The following LAMA2 variants were observed in gnomAD, a reference collection of about 807,000 sequenced individuals.
LAMA2 encodes laminin subunit alpha 2.
LAMA2 carries 269 observed loss-of-function variants against 364.8 expected under a neutral mutation model. The ratio of observed to expected loss-of-function variants is 0.74; its 90% CI spans 0.67 to 0.82. The LOEUF (loss-of-function observed/expected upper bound fraction) is 0.82, where lower values mean the gene tolerates loss of function less well. Among genes scored for constraint, LAMA2 ranks in the 40% least tolerant of loss-of-function variants. The pLI is 0.00. For missense variants in LAMA2, 3,807 were observed against 3,873.2 expected (o/e 0.98, Z 0.45); for synonymous variants, 1,379 against 1,370.6 (o/e 1.01, Z -0.14).
intron 52 of LAMA2, among the ~76,000 whole-genome samples, chr6:129,475,108 G>C (rs1784002130): frequency 1.3e-5 from 2 of 152,032 alleles, no homozygotes; most frequent in Admixed American, 1.3e-4. Context: ...CCATTTATTA[G>C]ATTGATAAGA....
At chr6:129,057,267 C>G (rs1429546415) in intron 2 of LAMA2, among the ~76,000 whole-genome samples, 1 of 152,048 alleles carries the variant, frequency 6.6e-6, no homozygotes, top group Non-Finnish European at 1.5e-5. Context: ...TCATCAGTAA[C>G]CCTGTGAATA....
chr6:129,282,780 AT>A (rs530851943), intron 18 of LAMA2, among the ~76,000 whole-genome samples: 51 of 152,064 alleles, frequency 3.4e-4, no homozygotes, highest in Non-Finnish European at 7.1e-4. Flanking sequence ...TACCATCATC[AT>A]TTTTCCATCT....
chr6:129,141,305 A>G (rs1354307823), intron 4 of LAMA2, among the ~76,000 whole-genome samples: 1 of 152,030 alleles, frequency 6.6e-6, no homozygotes, highest in Non-Finnish European at 1.5e-5. Flanking sequence ...ATATAACTCA[A>G]TTCTAAACAC....
chr6:129,014,554 A>T (rs1053385209), intron 1 of LAMA2, among the ~76,000 whole-genome samples: 3 of 152,188 alleles, frequency 2.0e-5, no homozygotes, highest in Non-Finnish European at 2.9e-5. Flanking sequence ...GGCCACCAAG[A>T]TCCCCTAGTT....
chr6:128,911,426 T>G (rs188381681), intron 1 of LAMA2, among the ~76,000 whole-genome samples: 11 of 152,246 alleles, frequency 7.2e-5, no homozygotes, highest in African/African-American at 2.4e-4. Flanking sequence ...ACCCCTTTCT[T>G]TGACTAGGAA....
chr6:129,211,798 A>C lies in LAMA2; in HGVS notation c.1782+18945A>C, dbSNP rs138833498. Among the ~76,000 whole-genome samples, 693 of 152,336 alleles carry C rather than the reference A, an allele frequency of 4.5e-3. 7 individuals are homozygous for C. Among genetic ancestry groups the C allele is most frequent in the African/African-American group, 0.015 (639 of 41,578 alleles). On this transcript the variant is annotated intron_variant, in intron 12 of 64. Transcript: ENST00000421865. ...ATTCCCATGAAAGCACCTACCACCC[A>C]GCAGGCAGAAATATCCCTCTTTGAC... is the stretch of plus-strand genomic sequence containing the variant.
intron 12 of LAMA2, among the ~76,000 whole-genome samples, chr6:129,218,373 T>C (rs1231261041): frequency 2.0e-5 from 3 of 152,178 alleles, no homozygotes; most frequent in Non-Finnish European, 4.4e-5. Flanking sequence ...AATGAAATTA[T>C]ATAAATCTTG....
intron 2 of LAMA2, among the ~76,000 whole-genome samples, chr6:129,058,689 G>A (rs1052981373): frequency 1.3e-5 from 2 of 152,138 alleles, no homozygotes; most frequent in Non-Finnish European, 1.5e-5. Flanking sequence ...CTTCTGTAAG[G>A]GCCAAGGGAA....
intron 51 of LAMA2, among the ~76,000 whole-genome samples, chr6:129,470,241 A>G (rs1783744880): frequency 6.6e-6 from 1 of 151,842 alleles, no homozygotes; most frequent in African/African-American, 2.4e-5. Context: ...CATAAGACCA[A>G]CAAAAAAAAG....
rs538458745 is a variant in LAMA2, at chr6:129,456,434, G to A, written c.6807G>A (p.Thr2269=). 5.0e-6 allele frequency: 8 copies of A among 1,613,586 alleles called. No individual in the cohort carries two copies. Among genetic ancestry groups the A allele is most frequent in the South Asian group, 1.1e-5 (1 of 91,076 alleles). ...ATTCGACGTCTCCTCCAGGGTACAC[G>A]ATTCTAGATGTGGATGCAAATGCAA... ...THHSTSPPGY[T]ILDVDANAML... The change falls in exon 48 of 65, where the codon ACG becomes ACA. Residue 2269 remains threonine (T), a synonymous_variant. Transcript: ENST00000421865.
chr6:129,497,283 G>T (rs1020407646), intron 58 of LAMA2, among the ~76,000 whole-genome samples: 1 of 151,936 alleles, frequency 6.6e-6, no homozygotes, highest in African/African-American at 2.4e-5. Context: ...TGTCACCCAG[G>T]CTGGTGTGCA....
intron 1 of LAMA2, among the ~76,000 whole-genome samples, chr6:128,961,794 G>A (rs774386349): frequency 6.6e-6 from 1 of 151,894 alleles, no homozygotes; most frequent in Non-Finnish European, 1.5e-5. Flanking sequence ...GTTGACACTT[G>A]TATTAACCAT....
In LAMA2 at chr6:129,137,283, C is replaced by T. The variant is rs114311281; in HGVS notation, c.640-6618C>T. Among the ~76,000 whole-genome samples the T allele has an allele frequency of 6.1e-3, 923 of 151,670 alleles. 8 individuals carry two copies. The highest frequency in any genetic ancestry group is 0.021 in the African/African-American group (884 of 41,420). On this transcript the variant is annotated intron_variant, in intron 4 of 64. Coordinates refer to ENST00000421865, the MANE Select transcript of LAMA2 (RefSeq NM_000426.4). Reference sequence around the variant, plus strand: ...AAAAAAAAAAGACCTTTATTAAAGACCTTCCAAACTAATTCAGTGCCCTAC... The same window carrying T: ...AAAAAAAAAAGACCTTTATTAAAGATCTTCCAAACTAATTCAGTGCCCTAC...
chr6:129,436,434 A>G (rs1781835583), intron 41 of LAMA2, among the ~76,000 whole-genome samples: 1 of 152,188 alleles, frequency 6.6e-6, no homozygotes, highest in Non-Finnish European at 1.5e-5. Flanking sequence ...CACCTGTACC[A>G]TTGTATGAAC....
In LAMA2 at chr6:129,481,476, A is replaced by G. The variant is rs145625338; in HGVS notation, c.7749+37A>G. ...CCTAGCTGATAATGCATTTTCCCTA[A>G]TGCTTATATAAAGCAGTTAACTTAC... On this transcript the variant is annotated intron_variant, in intron 55 of 64. Coordinates refer to ENST00000421865, the MANE Select transcript of LAMA2 (RefSeq NM_000426.4). The G allele has an allele frequency of 2.8e-4, 428 of 1,521,300 alleles. No homozygotes were observed. The African/African-American group carries it at 5.3e-3, about 19-fold the overall frequency. 94.2% of individuals were successfully genotyped at this position (1,521,300 alleles called of 1,614,324 possible).
intron 12 of LAMA2, among the ~76,000 whole-genome samples, chr6:129,235,347 C>T (rs1390744411): frequency 6.6e-6 from 1 of 152,082 alleles, no homozygotes; most frequent in Non-Finnish European, 1.5e-5. Context: ...CTGGTGCTCC[C>T]CCTGTGTCTC....
At chr6:128,992,913 C>T (rs1394089667) in intron 1 of LAMA2, among the ~76,000 whole-genome samples, 1 of 152,096 alleles carries the variant, frequency 6.6e-6, no homozygotes, top group Non-Finnish European at 1.5e-5. Context: ...AAAGTAAGGT[C>T]CAATTCTCAG....
chr6:129,481,483 T>A (rs773490789), intron 55 of LAMA2, 44 bp downstream of exon 55: 1 of 1,462,492 alleles, frequency 6.8e-7, no homozygotes, highest in Non-Finnish European at 9.6e-7. Flanking sequence ...CTAATGCTTA[T>A]ATAAAGCAGT....
At chr6:128,929,210 C>G in intron 1 of LAMA2, 2 of 1,490,986 alleles carry the variant, frequency 1.3e-6, no homozygotes, top group Middle Eastern at 1.9e-4. Context: ...TCCCACCCAG[C>G]GCCTTCTGAG....
Sources: gnomAD v4.1 joint callset for allele counts (sites outside exome capture counted in the v4.1 genomes callset) on GRCh38, gnomAD v4.1.1 for gene constraint, MANE v1.5 for transcripts, NCBI Gene and HGNC (gene_info 2026-07-23, HGNC 2026-07-21) for gene names.